Variants in LAPTM4B observed in about 807,000 individuals in gnomAD.
The protein encoded by LAPTM4B is lysosomal-associated transmembrane protein 4B.
Under a neutral mutation model 28.5 loss-of-function variants are expected in LAPTM4B, and 26 were observed. That is an observed-to-expected ratio of 0.91 (90% confidence interval 0.67 to 1.27). LAPTM4B has a LOEUF of 1.27. Ranked by LOEUF, LAPTM4B falls within the 50% of genes most tolerant of loss-of-function variation. LAPTM4B has a pLI of 0.00. For synonymous variants in LAPTM4B, 109 were observed against 106.4 expected, an observed-to-expected ratio of 1.02 and a Z score of -0.15; for missense variants, 288 against 285.8, an observed-to-expected ratio of 1.01 and a Z score of -0.06.
chr8:97,781,294 T>C (rs1816308167), intron 1 of LAPTM4B, among the ~76,000 whole-genome samples: 1 of 140,332 alleles, frequency 7.1e-6, no homozygotes, highest in African/African-American at 2.8e-5. Flanking sequence ...TTTTTTTTTT[T>C]TTTTTGAGGA....
chr8:97,783,245 C>T (rs1182639586), intron 1 of LAPTM4B, among the ~76,000 whole-genome samples: 2 of 151,718 alleles, frequency 1.3e-5, no homozygotes, highest in South Asian at 2.1e-4. Context: ...GCTTTATGAC[C>T]TGGTCTTTCT....
At position 97,775,961 on chromosome 8, in the gene LAPTM4B, G is replaced by A. The variant is rs762667625; in HGVS notation, c.-49G>A. ...GCGGCGGGCTCCAGGCGAGGCGGTC[G>A]ACGCTCCTGAAAACTTGCGCGCGCG... On this transcript the variant is annotated 5_prime_UTR_variant, in exon 1 of 7. Coordinates refer to ENST00000521545, the MANE Select transcript of LAPTM4B (RefSeq NM_018407.6). 5 of 1,481,052 alleles carry A rather than the reference G, an allele frequency of 3.4e-6. No homozygotes were observed. In the African/African-American group the frequency reaches 7.5e-5, roughly 22 times the overall value. 91.7% of individuals were successfully genotyped at this position (1,481,052 alleles called of 1,614,324 possible). A position where few individuals can be genotyped will look rare whatever the true frequency, so the allele number is the denominator to read the frequency against.
At chr8:97,785,431 A>G (rs763613778) in intron 1 of LAPTM4B, among the ~76,000 whole-genome samples, 35 of 152,368 alleles carry the variant, frequency 2.3e-4, no homozygotes, top group South Asian at 8.3e-4. Flanking sequence ...AAAGATTGCT[A>G]TCAAAACTGT....
At chr8:97,798,445 T>G (rs1452890640) in intron 1 of LAPTM4B, among the ~76,000 whole-genome samples, 1 of 152,158 alleles carries the variant, frequency 6.6e-6, no homozygotes, top group Non-Finnish European at 1.5e-5. Context: ...AAAGTCACAG[T>G]GGTGAGTCAT....
chr8:97,845,518 A>G (rs529462427), intron 6 of LAPTM4B, among the ~76,000 whole-genome samples: 84 of 152,196 alleles, frequency 5.5e-4, no homozygotes, highest in African/African-American at 1.8e-3. Context: ...AGGCCAGACA[A>G]GGGGCCACAC....
At chr8:97,837,664 G>A (rs1021519263) in intron 6 of LAPTM4B, among the ~76,000 whole-genome samples, 7 of 152,008 alleles carry the variant, frequency 4.6e-5, no homozygotes, top group Admixed American at 4.6e-4. Flanking sequence ...AGTCCTGTAC[G>A]CACCAAATTC....
In LAPTM4B at chr8:97,839,107, T is replaced by A. The variant is rs113401044; in HGVS notation, c.604-12290T>A. Among the ~76,000 whole-genome samples the A allele has an allele frequency of 3.0e-3, 453 of 152,342 alleles. 3 individuals carry two copies. The highest frequency in any genetic ancestry group is 0.01 in the African/African-American group (430 of 41,572). ...CCCAAAACCTTTTCCTTGGCTGTAA[T>A]TCTGAGGTTCAGGCTGACAGTATGT... is the stretch of plus-strand genomic sequence containing the variant. On this transcript the variant is annotated intron_variant, in intron 6 of 6. Transcript: ENST00000521545.
chr8:97,793,063 G>C (rs1816529617), intron 1 of LAPTM4B, among the ~76,000 whole-genome samples: 1 of 151,968 alleles, frequency 6.6e-6, no homozygotes, highest in Admixed American at 6.6e-5. Flanking sequence ...TACTGTTGTT[G>C]ATAAGGTAAC....
At chr8:97,787,599 A>G (rs1007487313) in intron 1 of LAPTM4B, among the ~76,000 whole-genome samples, 3 of 152,128 alleles carry the variant, frequency 2.0e-5, no homozygotes, top group Non-Finnish European at 4.4e-5. Context: ...CTTTTAACAG[A>G]TACACCTAAC....
rs763486803 is a variant in LAPTM4B at position 97,776,102 on chromosome 8, G to C, written c.93G>C (p.Trp31Cys). Residue 31 changes from tryptophan (W) to cysteine (C), a missense_variant, in exon 1 of 7, where the codon TGG becomes TGC. Physicochemically the swap from Trp to Cys is radical, Grantham distance 215. Transcript: ENST00000521545. ...CCGGCACCATCCTGCTCGGCGTCTG[G>C]TATCTGGTGAGCGCGGCGCGCCCGG... ...VRTGTILLGV[W>C]YLIINAVVLL... is the part of the protein sequence containing the mutation. 1 of 1,577,786 alleles carries C rather than the reference G, an allele frequency of 6.3e-7. No homozygotes were observed. Among genetic ancestry groups the C allele is most frequent in the Admixed American group, 1.7e-5 (1 of 57,956 alleles).
At chr8:97,806,092 A>G (rs1368204581) in intron 2 of LAPTM4B, among the ~76,000 whole-genome samples, 1 of 152,174 alleles carries the variant, frequency 6.6e-6, no homozygotes, top group Non-Finnish European at 1.5e-5. Flanking sequence ...GAGAACTTCA[A>G]GTGAGTTTTT....
intron 3 of LAPTM4B, 149 bp from the exon 4 acceptor site, chr8:97,815,909 A>G (rs978550143): frequency 8.9e-6 from 6 of 674,228 alleles, no homozygotes; most frequent in Non-Finnish European, 4.8e-6. Flanking sequence ...TTGACTGCTT[A>G]TATTTGGCAT....
intron 2 of LAPTM4B, among the ~76,000 whole-genome samples, chr8:97,811,709 C>G (rs891905170): frequency 2.0e-5 from 3 of 152,182 alleles, no homozygotes; most frequent in African/African-American, 7.2e-5. Flanking sequence ...AGCTTGCCGG[C>G]TTGTGCATAA....
chr8:97,825,187 C>T (rs370241942), intron 6 of LAPTM4B, 34 bp downstream of exon 6: 1 of 1,117,764 alleles, frequency 8.9e-7, no homozygotes, highest in Non-Finnish European at 1.4e-6. Flanking sequence ...AGAGATCTCG[C>T]CCACACCTTT....
chr8:97,801,380 C>G (rs1176803194), intron 1 of LAPTM4B, among the ~76,000 whole-genome samples: 2 of 152,028 alleles, frequency 1.3e-5, no homozygotes, highest in African/African-American at 4.8e-5. Flanking sequence ...TGGGGTTTCA[C>G]CACGTTGGCC....
At chr8:97,782,674 G>A (rs1384857663) in intron 1 of LAPTM4B, among the ~76,000 whole-genome samples, 24 of 151,276 alleles carry the variant, frequency 1.6e-4, no homozygotes, top group Non-Finnish European at 1.5e-5. Flanking sequence ...CTGACCTCCT[G>A]ATCCACCTGC....
intron 1 of LAPTM4B, among the ~76,000 whole-genome samples, chr8:97,801,434 G>C (rs1053908761): frequency 6.6e-6 from 1 of 151,926 alleles, no homozygotes; most frequent in Non-Finnish European, 1.5e-5. Flanking sequence ...CATCTGCCTC[G>C]GCCTCCTAAA....
At chr8:97,830,499 C>T (rs1366502417) in intron 6 of LAPTM4B, among the ~76,000 whole-genome samples, 1 of 152,108 alleles carries the variant, frequency 6.6e-6, no homozygotes. Flanking sequence ...CCTAGGTAGA[C>T]ATTAAGTAGT....
At chr8:97,782,252 A>G (rs1383073547) in intron 1 of LAPTM4B, among the ~76,000 whole-genome samples, 1 of 122,320 alleles carries the variant, frequency 8.2e-6, no homozygotes, top group African/African-American at 3.1e-5. Flanking sequence ...AAGTGCTGGG[A>G]TTACAGGCCT....
Sources: gnomAD v4.1 joint callset for allele counts (sites outside exome capture counted in the v4.1 genomes callset) on GRCh38, gnomAD v4.1.1 for gene constraint, MANE v1.5 for transcripts, NCBI Gene and HGNC (gene_info 2026-07-23, HGNC 2026-07-21) for gene names.